The following SDK1 variants were observed in gnomAD, a reference collection of about 807,000 sequenced individuals.
SDK1 encodes the protein protein sidekick-1.
In SDK1, 157 loss-of-function variants were observed where a neutral mutation model predicts 245.5. The observed-to-expected ratio is 0.64, with a 90% CI of 0.56 to 0.73. The LOEUF (loss-of-function observed/expected upper bound fraction) is 0.73, where lower values mean the gene tolerates loss of function less well. Among genes scored for constraint, SDK1 ranks in the 30% least tolerant of loss-of-function variants. The pLI is 0.00. For missense variants in SDK1, 3,583 were observed against 3,002.3 expected, an observed-to-expected ratio of 1.19 and a Z score of -4.52; for synonymous variants, 1,647 against 1,278.5, an observed-to-expected ratio of 1.29 and a Z score of -6.15.
chr7:3,412,837 A>G (rs1360970558), intron 1 of SDK1, among the ~76,000 whole-genome samples: 1 of 152,214 alleles, frequency 6.6e-6, no homozygotes, highest in Non-Finnish European at 1.5e-5. Flanking sequence ...GACCTTCCTA[A>G]TGCATATTAT....
intron 5 of SDK1, among the ~76,000 whole-genome samples, chr7:3,900,600 T>C (rs955041180): frequency 3.9e-5 from 6 of 152,156 alleles, no homozygotes; most frequent in Non-Finnish European, 8.8e-5. Flanking sequence ...CTCCCTCTCT[T>C]TTTCTCCCAC....
intron 1 of SDK1, among the ~76,000 whole-genome samples, chr7:3,494,121 A>G (rs1243696397): frequency 6.6e-6 from 1 of 152,198 alleles, no homozygotes; most frequent in African/African-American, 2.4e-5. Flanking sequence ...GAGGAAAGCA[A>G]AGTGAAACCT....
intron 32 of SDK1, among the ~76,000 whole-genome samples, chr7:4,162,733 G>C (rs978659781): frequency 3.3e-5 from 5 of 152,152 alleles, no homozygotes; most frequent in African/African-American, 1.2e-4. Flanking sequence ...TGTGCAGTGA[G>C]TTAAATGAAG....
At chr7:3,501,814 G>A (rs1782223964) in intron 1 of SDK1, among the ~76,000 whole-genome samples, 3 of 152,210 alleles carry the variant, frequency 2.0e-5, no homozygotes, top group African/African-American at 7.2e-5. Context: ...ATGGGACACT[G>A]TATTTTACAA....
At chr7:3,417,132 C>T (rs754808461) in intron 1 of SDK1, among the ~76,000 whole-genome samples, 2 of 152,172 alleles carry the variant, frequency 1.3e-5, no homozygotes, top group Non-Finnish European at 2.9e-5. Flanking sequence ...CGAGACTGCG[C>T]CACTGCACTC....
chr7:3,928,423 C>T (rs560627378), intron 5 of SDK1, among the ~76,000 whole-genome samples: 16 of 152,088 alleles, frequency 1.1e-4, no homozygotes, highest in Non-Finnish European at 1.8e-4. Flanking sequence ...TTTATCTACA[C>T]GTACAAATAT....
intron 40 of SDK1, among the ~76,000 whole-genome samples, chr7:4,230,304 T>C (rs1562459990): frequency 6.9e-6 from 1 of 145,750 alleles, no homozygotes; most frequent in Non-Finnish European, 1.5e-5. Flanking sequence ...GATGAATGAA[T>C]TGATGAAGGA....
At chr7:4,172,951 C>G (rs986882562) in intron 32 of SDK1, among the ~76,000 whole-genome samples, 2 of 152,184 alleles carry the variant, frequency 1.3e-5, no homozygotes, top group Non-Finnish European at 2.9e-5. Context: ...GTGCAAAGAC[C>G]CTGTTTCCAA....
rs1402049336 is a variant in SDK1, at chr7:4,083,556, CCCTT to C, written c.3324+3981_3324+3984del. 1.5e-3 allele frequency among the ~76,000 whole-genome samples: 163 copies of C among 108,170 alleles called. 3 individuals are homozygous for C. The highest frequency in any genetic ancestry group is 5.6e-3 in the African/African-American group (119 of 21,440). The allele number at this position is 108,170 out of a possible 152,430, so 71.0% of individuals were successfully genotyped here. A position where few individuals can be genotyped will look rare whatever the true frequency, so the allele number is the denominator to read the frequency against. ...TCCCTCCCTCCCTCCCTCCCTCCCTCCCTTCCTTCCTTTTTGCCTCCCTCCTCCC... is the reference window on the plus strand; with the variant it reads ...TCCCTCCCTCCCTCCCTCCCTCCCTCCCTTCCTTTTTGCCTCCCTCCTCCC... On this transcript the variant is annotated intron_variant, in intron 22 of 44. Transcript: ENST00000404826.
At chr7:3,528,705 C>T (rs889651301) in intron 1 of SDK1, among the ~76,000 whole-genome samples, 6 of 151,862 alleles carry the variant, frequency 4.0e-5, no homozygotes, top group African/African-American at 1.2e-4. Context: ...ATTTTGAAGG[C>T]GTAATACACA....
intron 5 of SDK1, among the ~76,000 whole-genome samples, chr7:3,932,520 T>C (rs1780012744): frequency 1.3e-5 from 2 of 152,204 alleles, no homozygotes; most frequent in South Asian, 4.1e-4. Context: ...ACCGTGGGAC[T>C]GACTTTATTC....
At chr7:3,832,923 C>T (rs1004212865) in intron 5 of SDK1, among the ~76,000 whole-genome samples, 4 of 151,942 alleles carry the variant, frequency 2.6e-5, no homozygotes, top group African/African-American at 9.7e-5. Context: ...CTCTGCTTGT[C>T]AGTGTAAACT....
chr7:4,210,920 G>A (rs1459091454), intron 38 of SDK1, among the ~76,000 whole-genome samples: 2 of 152,204 alleles, frequency 1.3e-5, no homozygotes, highest in African/African-American at 4.8e-5. Context: ...GAGTGACAAG[G>A]GCCCGGACAC....
At chr7:3,896,771 G>A (rs1433478730) in intron 5 of SDK1, among the ~76,000 whole-genome samples, 11 of 152,158 alleles carry the variant, frequency 7.2e-5, no homozygotes, top group Admixed American at 3.9e-4. Context: ...TCCTGTTACT[G>A]TATCATGGCT....
At chr7:3,714,880 A>G (rs919767444) in intron 4 of SDK1, among the ~76,000 whole-genome samples, 1 of 152,226 alleles carries the variant, frequency 6.6e-6, no homozygotes, top group African/African-American at 2.4e-5. Context: ...AAATTAATAA[A>G]TGACACCAAT....
chr7:3,654,043 G>T (rs1449326959), intron 4 of SDK1, among the ~76,000 whole-genome samples: 1 of 152,130 alleles, frequency 6.6e-6, no homozygotes, highest in Non-Finnish European at 1.5e-5. Context: ...TCTTTCTGTG[G>T]CTCTCTGGCT....
At chr7:3,327,628 C>G (rs1470717921) in intron 1 of SDK1, among the ~76,000 whole-genome samples, 1 of 151,894 alleles carries the variant, frequency 6.6e-6, no homozygotes, top group Non-Finnish European at 1.5e-5. Flanking sequence ...AGTATAGGCC[C>G]AGAATCCCAT....
Position 3,400,260 on chromosome 7 carries a change from A to T in SDK1, c.298+98376A>T, listed in dbSNP as rs145330652. On this transcript the variant is annotated intron_variant, in intron 1 of 44. Coordinates refer to ENST00000404826, the MANE Select transcript of SDK1 (RefSeq NM_152744.4). ...AACCAAGCCTTTCTAGCCAAGATTC[A>T]GCAGCTTTCCTAAGATAATGCTTTA... Among the ~76,000 whole-genome samples, 95 of 152,310 alleles carry T rather than the reference A, an allele frequency of 6.2e-4. 1 individual carries two copies. The East Asian group carries it at 0.017, about 27-fold the overall frequency.
At chr7:3,953,352 A>C (rs1019915666) in intron 7 of SDK1, among the ~76,000 whole-genome samples, 1 of 152,232 alleles carries the variant, frequency 6.6e-6, no homozygotes. Context: ...AAAGAAGCGA[A>C]AGTCTGTTAA....
Sources: allele counts gnomAD v4.1 joint callset (sites outside exome capture counted in the v4.1 genomes callset), GRCh38; gene constraint gnomAD v4.1.1; transcripts MANE v1.5; gene names NCBI Gene and HGNC (gene_info 2026-07-23, HGNC 2026-07-21).